The following GPC5 variants were observed in gnomAD, a reference collection of about 807,000 sequenced individuals.
The protein encoded by GPC5 is glypican 5.
A neutral mutation model predicts 53.9 loss-of-function variants in GPC5; 47 were observed. That is an observed-to-expected ratio of 0.87 (90% confidence interval 0.69 to 1.11). The LOEUF (loss-of-function observed/expected upper bound fraction) is 1.11. Ranked by LOEUF, GPC5 falls within the 50% of genes most tolerant of loss-of-function variation. GPC5 has a pLI of 0.00. For missense variants in GPC5, 748 were observed against 713.1 expected, an observed-to-expected ratio of 1.05 and a Z score of -0.56; for synonymous variants, 286 against 263.3, an observed-to-expected ratio of 1.09 and a Z score of -0.84.
intron 2 of GPC5, among the ~76,000 whole-genome samples, chr13:91,578,092 A>G (rs910363163): frequency 3.3e-5 from 5 of 152,334 alleles, no homozygotes; most frequent in East Asian, 1.9e-4. Flanking sequence ...AAGCAGTGAC[A>G]TGAAGGGTTC....
At chr13:91,699,113 T>G (rs2035943063) in intron 3 of GPC5, among the ~76,000 whole-genome samples, 1 of 152,206 alleles carries the variant, frequency 6.6e-6, no homozygotes, top group Admixed American at 6.5e-5. Flanking sequence ...GAAATTAATG[T>G]TGGATATGTA....
intron 6 of GPC5, among the ~76,000 whole-genome samples, chr13:92,119,144 T>C (rs2041624334): frequency 6.6e-6 from 1 of 152,144 alleles, no homozygotes; most frequent in Non-Finnish European, 1.5e-5. Flanking sequence ...AGTCATGTCT[T>C]ACATGGCGGC....
At chr13:91,978,156 G>A (rs759655206) in intron 6 of GPC5, among the ~76,000 whole-genome samples, 3 of 152,110 alleles carry the variant, frequency 2.0e-5, no homozygotes, top group Non-Finnish European at 4.4e-5. Context: ...CATATCACAT[G>A]AGACTTACAT....
chr13:92,626,634 G>A (rs1470551545), intron 7 of GPC5, among the ~76,000 whole-genome samples: 1 of 152,116 alleles, frequency 6.6e-6, no homozygotes, highest in African/African-American at 2.4e-5. Context: ...ACTTTTGCAA[G>A]GGATGCTAAT....
intron 7 of GPC5, among the ~76,000 whole-genome samples, chr13:92,518,970 G>T (rs1880912372): frequency 1.3e-5 from 2 of 152,106 alleles, no homozygotes; most frequent in Non-Finnish European, 2.9e-5. Context: ...AAAGGCAGGG[G>T]TTGCAATCCT....
intron 7 of GPC5, among the ~76,000 whole-genome samples, chr13:92,174,599 CTTCA>C (rs1350473835): frequency 2.0e-5 from 3 of 151,736 alleles, no homozygotes; most frequent in Admixed American, 6.6e-5. Context: ...TAACTCATTA[CTTCA>C]TTCATACATT....
intron 7 of GPC5, among the ~76,000 whole-genome samples, chr13:92,449,788 AAAC>A (rs150587660): frequency 0.14 from 21,154 of 152,030 alleles, 1,866 homozygotes; most frequent in East Asian, 0.46. Flanking sequence ...TTCATTGAAA[AAAC>A]AAAAAATTAT....
chr13:91,601,836 C>T (rs1044858110), intron 2 of GPC5, among the ~76,000 whole-genome samples: 2 of 152,110 alleles, frequency 1.3e-5, no homozygotes, highest in Non-Finnish European at 2.9e-5. Flanking sequence ...ATAAAGTATA[C>T]AATAAATGTA....
chr13:92,671,670 GT>G (rs1205304295), intron 7 of GPC5, among the ~76,000 whole-genome samples: 3 of 152,142 alleles, frequency 2.0e-5, no homozygotes, highest in Non-Finnish European at 2.9e-5. Context: ...AGAGACTGTG[GT>G]TATTCACAGT....
intron 6 of GPC5, among the ~76,000 whole-genome samples, chr13:92,051,002 A>G (rs2041023075): frequency 6.6e-6 from 1 of 152,174 alleles, no homozygotes; most frequent in African/African-American, 2.4e-5. Context: ...TTTTTGTGGA[A>G]GCCATTTTGG....
chr13:91,433,907 A>G (rs920151050), intron 1 of GPC5, among the ~76,000 whole-genome samples: 3 of 152,012 alleles, frequency 2.0e-5, no homozygotes, highest in Non-Finnish European at 4.4e-5. Context: ...CTGGTGTGAG[A>G]TGGTATCTCA....
chr13:92,216,258 A>G (rs1300837471), intron 7 of GPC5, among the ~76,000 whole-genome samples: 1 of 152,230 alleles, frequency 6.6e-6, no homozygotes, highest in Non-Finnish European at 1.5e-5. Flanking sequence ...TCGTTGTTGA[A>G]CACTAGGGGT....
In GPC5 at chr13:92,776,777, T is replaced by C. The variant is rs567315828; in HGVS notation, c.1562-89505T>C. On this transcript the variant is annotated intron_variant, in intron 7 of 7. Coordinates refer to ENST00000377067, the MANE Select transcript of GPC5 (RefSeq NM_004466.6). ...GACTAAGCCAGACCTGATCATACCC[T>C]GTCTTTCTGGCTTAACTGCAGACAG... 1.5e-4 allele frequency among the ~76,000 whole-genome samples: 23 copies of C among 152,228 alleles called. No homozygotes were observed. The South Asian group carries it at 4.1e-3, about 27-fold the overall frequency.
chr13:92,799,601 T>C (rs1876826157), intron 7 of GPC5, among the ~76,000 whole-genome samples: 1 of 151,820 alleles, frequency 6.6e-6, no homozygotes, highest in Admixed American at 6.6e-5. Flanking sequence ...TGGGGAATGA[T>C]AGGTGTAAAT....
At chr13:91,584,428 C>CA (rs1212389216) in intron 2 of GPC5, among the ~76,000 whole-genome samples, 4 of 151,950 alleles carry the variant, frequency 2.6e-5, no homozygotes, top group Non-Finnish European at 5.9e-5. Context: ...AACATACATA[C>CA]AAAAAATCAA....
intron 2 of GPC5, among the ~76,000 whole-genome samples, chr13:91,449,389 C>G (rs972624085): frequency 6.6e-6 from 1 of 151,850 alleles, no homozygotes; most frequent in Non-Finnish European, 1.5e-5. Flanking sequence ...GATACATGTG[C>G]AGAACATGCA....
intron 7 of GPC5, among the ~76,000 whole-genome samples, chr13:92,807,044 C>T (rs1183108595): frequency 6.6e-6 from 1 of 151,980 alleles, no homozygotes; most frequent in Non-Finnish European, 1.5e-5. Context: ...TCAGTCTCCT[C>T]CTCTGTTCAA....
chr13:91,569,749 C>T (rs1352987889), intron 2 of GPC5, among the ~76,000 whole-genome samples: 2 of 152,050 alleles, frequency 1.3e-5, no homozygotes, highest in Non-Finnish European at 2.9e-5. Context: ...GGATTAGTGC[C>T]TTGTAAAATG....
intron 7 of GPC5, among the ~76,000 whole-genome samples, chr13:92,282,009 G>A (rs1186053861): frequency 1.3e-5 from 2 of 152,160 alleles, no homozygotes; most frequent in Non-Finnish European, 2.9e-5. Flanking sequence ...AAAAAGATTA[G>A]ACAAATGGCT....
Sources: gnomAD v4.1 joint callset for allele counts (sites outside exome capture counted in the v4.1 genomes callset) on GRCh38, gnomAD v4.1.1 for gene constraint, MANE v1.5 for transcripts, NCBI Gene and HGNC (gene_info 2026-07-23, HGNC 2026-07-21) for gene names.